Variants in TMEM232 observed in about 807,000 individuals in gnomAD.
TMEM232 encodes transmembrane protein 232.
TMEM232 carries 80 observed loss-of-function variants against 78.8 expected under a neutral mutation model. That is an observed-to-expected ratio of 1.01 (90% confidence interval 0.85 to 1.22). The LOEUF (loss-of-function observed/expected upper bound fraction) is 1.22, where lower values mean the gene tolerates loss of function less well. Ranked by LOEUF, TMEM232 falls within the 50% of genes most tolerant of loss-of-function variation. The pLI is 0.00. For missense variants in TMEM232, 881 were observed against 742.2 expected, an observed-to-expected ratio of 1.19 and a Z score of -2.17; for synonymous variants, 297 against 254.3, an observed-to-expected ratio of 1.17 and a Z score of -1.60.
chr5:110,538,514 C>G (rs537606821), intron 11 of TMEM232, among the ~76,000 whole-genome samples: 1 of 152,276 alleles, frequency 6.6e-6, no homozygotes, highest in Admixed American at 6.5e-5. Flanking sequence ...CCATCAAAGG[C>G]TCTTGCTTCA....
intron 1 of TMEM232, among the ~76,000 whole-genome samples, chr5:110,703,983 G>A (rs1432784900): frequency 2.0e-5 from 3 of 152,000 alleles, no homozygotes; most frequent in Non-Finnish European, 4.4e-5. Context: ...ATAATTACAG[G>A]TTAATCTGGA....
chr5:110,722,464 G>A (rs903147255), intron 1 of TMEM232, among the ~76,000 whole-genome samples: 2 of 152,032 alleles, frequency 1.3e-5, no homozygotes, highest in Non-Finnish European at 2.9e-5. Flanking sequence ...CCACTTCCAG[G>A]GTGGTTTGTT....
intron 2 of TMEM232, among the ~76,000 whole-genome samples, chr5:110,644,781 T>TA (rs1561444286): frequency 6.6e-6 from 1 of 150,722 alleles, no homozygotes; most frequent in Non-Finnish European, 1.5e-5. Flanking sequence ...AATTAAAGAA[T>TA]AAAAAACTAA....
intron 1 of TMEM232, among the ~76,000 whole-genome samples, chr5:110,715,961 A>T (rs1165516879): frequency 2.0e-5 from 3 of 152,104 alleles, no homozygotes; most frequent in Non-Finnish European, 2.9e-5. Context: ...TCTTTCAACC[A>T]ATTGCCAATC....
chr5:110,427,674 GA>G (rs200707293), intron 12 of TMEM232, among the ~76,000 whole-genome samples: 2,867 of 151,902 alleles, frequency 0.019, 30 homozygotes, highest in South Asian at 0.029. Flanking sequence ...AAGCTTTGGG[GA>G]AAAATTTATT....
At chr5:110,590,941 G>C (rs1399502407) in intron 10 of TMEM232, among the ~76,000 whole-genome samples, 2 of 152,178 alleles carry the variant, frequency 1.3e-5, no homozygotes, top group East Asian at 3.9e-4. Context: ...CAGCATGAGG[G>C]AAACCGTCCT....
intron 1 of TMEM232, among the ~76,000 whole-genome samples, chr5:110,690,556 G>A (rs1384311576): frequency 6.6e-6 from 1 of 152,176 alleles, no homozygotes; most frequent in Non-Finnish European, 1.5e-5. Context: ...GATTGTGGAA[G>A]ACAGTGTAGT....
Position 110,701,865 on chromosome 5 carries a change from C to T in TMEM232, c.-13+24762G>A, listed in dbSNP as rs114435726. On this transcript the variant is annotated intron_variant, in intron 1 of 13. Transcript: ENST00000455884. Reference sequence around the variant, plus strand: ...AACCTATTCCCTGTACTTGCTGGAACAGTTAGCAAAGAGAAGTCATGAGGT... The same window carrying T: ...AACCTATTCCCTGTACTTGCTGGAATAGTTAGCAAAGAGAAGTCATGAGGT... Among the ~76,000 whole-genome samples the T allele has an allele frequency of 2.4e-3, 365 of 152,090 alleles. 6 individuals carry two copies. The highest frequency in any genetic ancestry group is 8.4e-3 in the African/African-American group (348 of 41,526).
Position 110,433,243 on chromosome 5 carries a change from C to A in TMEM232, c.1704-8327G>T, listed in dbSNP as rs371395338. Among the ~76,000 whole-genome samples the A allele has an allele frequency of 3.6e-4, 54 of 151,854 alleles. 1 individual carries two copies. The South Asian group carries it at 0.011, about 30-fold the overall frequency. On this transcript the variant is annotated intron_variant, in intron 12 of 13. Transcript: ENST00000455884. Reference sequence around the variant, plus strand: ...CCACATGCTCAATCATAAAGCAAGTCTCAATAGATTTTAAGCAAAATTATA... The same window carrying A: ...CCACATGCTCAATCATAAAGCAAGTATCAATAGATTTTAAGCAAAATTATA...
chr5:110,603,131 G>A (rs537849408), intron 10 of TMEM232, among the ~76,000 whole-genome samples: 5 of 152,126 alleles, frequency 3.3e-5, no homozygotes, highest in East Asian at 3.9e-4. Flanking sequence ...TCACACACCC[G>A]GGCCTGTCAG....
intron 12 of TMEM232, among the ~76,000 whole-genome samples, chr5:110,510,288 T>A (rs903393712): frequency 1.3e-5 from 2 of 152,180 alleles, no homozygotes; most frequent in African/African-American, 4.8e-5. Context: ...ACCCACAATC[T>A]TTTCCTACCC....
Position 110,587,689 on chromosome 5 carries a change from ATATG to A in TMEM232, c.1276+17416_1276+17419del, listed in dbSNP as rs1295699316. Among the ~76,000 whole-genome samples, 450 of 53,156 alleles carry A rather than the reference ATATG, an allele frequency of 8.5e-3. 1 individual carries two copies. The highest frequency in any genetic ancestry group is 9.8e-3 in the Non-Finnish European group (281 of 28,654). 34.9% of individuals were successfully genotyped at this position (53,156 alleles called of 152,430 possible). ...TATATATATATATATATATATATAT[ATATG>A]TGTGTGTGTGTGTGTGTGTGTGTGT... On this transcript the variant is annotated intron_variant, in intron 10 of 13. Coordinates refer to ENST00000455884, the MANE Select transcript of TMEM232 (RefSeq NM_001039763.4).
At chr5:110,524,420 GAAAAGAAAAGA>G (rs758861475) in intron 12 of TMEM232, among the ~76,000 whole-genome samples, 100 of 117,230 alleles carry the variant, frequency 8.5e-4, no homozygotes, top group African/African-American at 3.1e-3. Context: ...AGAAAGAAAA[GAAAAGAAAAGA>G]AAAGAAAAGA....
rs1467171786 is a variant in TMEM232 at position 110,637,972 on chromosome 5, GTTA to G, written c.501+223_501+225del. Among the ~76,000 whole-genome samples, 3 of 151,974 alleles carry G rather than the reference GTTA, an allele frequency of 2.0e-5. No individual in the cohort carries two copies. The East Asian group carries it at 5.8e-4, about 29-fold the overall frequency. The stretch of plus-strand genomic sequence containing the variant: ...AAGTATATTGTTTTTTTAATGAAAT[GTTA>G]TTTTCTTATATAGTTTGTGACATTA... On this transcript the variant is annotated intron_variant, in intron 5 of 13. Coordinates refer to ENST00000455884, the MANE Select transcript of TMEM232 (RefSeq NM_001039763.4).
At chr5:110,599,955 TA>T (rs1191046357) in intron 10 of TMEM232, among the ~76,000 whole-genome samples, 1 of 151,048 alleles carries the variant, frequency 6.6e-6, no homozygotes, top group Non-Finnish European at 1.5e-5. Context: ...ACGGAAATCA[TA>T]ACAGTCTCTC....
chr5:110,677,216 T>C (rs934886029), intron 1 of TMEM232, among the ~76,000 whole-genome samples: 1 of 152,172 alleles, frequency 6.6e-6, no homozygotes, highest in Admixed American at 6.5e-5. Context: ...ATACAGGTTC[T>C]ATGTTCATTT....
intron 12 of TMEM232, among the ~76,000 whole-genome samples, chr5:110,472,897 A>G (rs1762835024): frequency 6.6e-6 from 1 of 151,836 alleles, no homozygotes; most frequent in African/African-American, 2.4e-5. Flanking sequence ...TTTGTCCCCT[A>G]TCTCTCATAT....
intron 10 of TMEM232, among the ~76,000 whole-genome samples, chr5:110,604,906 G>T (rs563939450): frequency 6.6e-6 from 1 of 152,114 alleles, no homozygotes; most frequent in East Asian, 1.9e-4. Flanking sequence ...CAGTGAGCAG[G>T]GATCACGCCA....
At chr5:110,692,690 G>A (rs998248191) in intron 1 of TMEM232, among the ~76,000 whole-genome samples, 4 of 152,216 alleles carry the variant, frequency 2.6e-5, no homozygotes, top group African/African-American at 9.6e-5. Flanking sequence ...CACCCATGGA[G>A]CATCGCTCAT....
Sources: allele counts gnomAD v4.1 joint callset (sites outside exome capture counted in the v4.1 genomes callset), GRCh38; gene constraint gnomAD v4.1.1; transcripts MANE v1.5; gene names NCBI Gene and HGNC (gene_info 2026-07-23, HGNC 2026-07-21).